The following CDC42BPA variants were observed in gnomAD, a reference collection of about 807,000 sequenced individuals.
The protein encoded by CDC42BPA is CDC42 binding protein kinase alpha.
A neutral mutation model predicts 223.5 loss-of-function variants in CDC42BPA; 80 were observed. That is an observed-to-expected ratio of 0.36 (90% CI 0.30 to 0.43). The LOEUF is 0.43. CDC42BPA is among the 20% of genes least tolerant of loss of function. The pLI is 1.00. For missense variants in CDC42BPA, 1,743 were observed against 2,099.9 expected (o/e 0.83, Z 3.32); for synonymous variants, 694 against 718.6 (o/e 0.97, Z 0.55).
Position 226,991,229 on chromosome 1 carries a change from T to G in CDC42BPA, c.*3039A>C, listed in dbSNP as rs1241863102. The G allele has an allele frequency of 6.6e-6, 1 of 152,616 alleles. No homozygotes were observed. Among genetic ancestry groups the G allele is most frequent in the East Asian group, 1.9e-4 (1 of 5,198 alleles). The allele number at this position is 152,616 out of a possible 1,614,324, so 9.5% of individuals were successfully genotyped here. On this transcript the variant is annotated 3_prime_UTR_variant, in exon 37 of 37. Transcript: ENST00000366766. ...ATCCCAGAAATGCCTCTGAATGTAT[T>G]TTTTCTATTGAGAAACAGGTTTCTG...
intron 5 of CDC42BPA, among the ~76,000 whole-genome samples, chr1:227,193,236 ATT>A (rs34184053): frequency 2.7e-5 from 4 of 149,448 alleles, no homozygotes; most frequent in Non-Finnish European, 5.9e-5. Context: ...CGCCCGGCTA[ATT>A]TTTTTTTGTA....
At chr1:227,237,894 C>T (rs1025614736) in intron 2 of CDC42BPA, among the ~76,000 whole-genome samples, 1 of 151,738 alleles carries the variant, frequency 6.6e-6, no homozygotes, top group African/African-American at 2.4e-5. Flanking sequence ...ACAAAATTAG[C>T]CAGGCGTGGT....
intron 11 of CDC42BPA, among the ~76,000 whole-genome samples, chr1:227,127,776 T>C (rs184051084): frequency 1.3e-5 from 2 of 152,326 alleles, no homozygotes; most frequent in Non-Finnish European, 2.9e-5. Context: ...TCATAAATTA[T>C]GCTCAAAACT....
chr1:227,255,302 T>C (rs1357280322), intron 1 of CDC42BPA, among the ~76,000 whole-genome samples: 1 of 152,154 alleles, frequency 6.6e-6, no homozygotes, highest in African/African-American at 2.4e-5. Context: ...ATTTGAGCAT[T>C]AGGGGAGTGA....
intron 22 of CDC42BPA, among the ~76,000 whole-genome samples, chr1:227,050,964 T>G (rs148409661): frequency 5.3e-5 from 8 of 152,328 alleles, no homozygotes; most frequent in African/African-American, 1.9e-4. Context: ...ATTCTCTGAA[T>G]GCTTGAAATA....
chr1:227,160,321 A>G (rs1470100604), intron 6 of CDC42BPA, among the ~76,000 whole-genome samples: 1 of 152,220 alleles, frequency 6.6e-6, no homozygotes, highest in African/African-American at 2.4e-5. Context: ...TATTTTATCA[A>G]TCTTAAGATC....
At chr1:227,167,105 A>T (rs945603062) in intron 5 of CDC42BPA, among the ~76,000 whole-genome samples, 4 of 152,170 alleles carry the variant, frequency 2.6e-5, no homozygotes, top group Non-Finnish European at 4.4e-5. Context: ...TTACAATACT[A>T]CATAAGAATA....
intron 17 of CDC42BPA, among the ~76,000 whole-genome samples, chr1:227,079,793 T>C (rs1395201654): frequency 6.6e-6 from 1 of 151,920 alleles, no homozygotes; most frequent in African/African-American, 2.4e-5. Context: ...TATAAATATA[T>C]GATGAAACTA....
At chr1:227,196,082 C>A (rs1009019367) in intron 4 of CDC42BPA, among the ~76,000 whole-genome samples, 1 of 145,744 alleles carries the variant, frequency 6.9e-6, no homozygotes, top group Non-Finnish European at 1.5e-5. Flanking sequence ...AAGACCATGG[C>A]AGCTTTGGGG....
chr1:227,033,497 C>G (rs1669694984), intron 26 of CDC42BPA, 82 bp from the exon 27 acceptor site: 1 of 851,044 alleles, frequency 1.2e-6, no homozygotes. Flanking sequence ...ATAACACATA[C>G]CCAAAGCTTA....
intron 2 of CDC42BPA, among the ~76,000 whole-genome samples, chr1:227,235,559 T>A (rs1289661738): frequency 6.6e-6 from 1 of 152,148 alleles, no homozygotes; most frequent in East Asian, 1.9e-4. Flanking sequence ...TAAACCAAAC[T>A]TTTGTGTATA....
intron 8 of CDC42BPA, among the ~76,000 whole-genome samples, chr1:227,145,111 G>A (rs1660480662): frequency 1.3e-5 from 2 of 152,000 alleles, no homozygotes; most frequent in African/African-American, 2.4e-5. Context: ...ATCAGGCCCT[G>A]ACATGGTTGA....
At chr1:227,251,506 T>C (rs557231314) in intron 2 of CDC42BPA, among the ~76,000 whole-genome samples, 45 of 152,282 alleles carry the variant, frequency 3.0e-4, no homozygotes, top group African/African-American at 1.1e-3. Context: ...ACATACCATA[T>C]GCTTATAGAA....
chr1:226,994,984 C>CA lies in CDC42BPA; in HGVS notation c.4976-5dup, dbSNP rs1196025058. 13 of 1,611,684 alleles carry CA rather than the reference C, an allele frequency of 8.1e-6. No homozygotes were observed. In the East Asian group the frequency reaches 2.9e-4, roughly 36 times the overall value. ...CTGCCATTCTGTGCGGATGACCCTACAGTACATCATGCAGGCAAAATTTTA... is the reference window on the plus strand; with the variant it reads ...CTGCCATTCTGTGCGGATGACCCTACAAGTACATCATGCAGGCAAAATTTTA... On this transcript the variant is annotated splice_region_variant and splice_polypyrimidine_tract_variant and intron_variant, in intron 35 of 36. Coordinates refer to ENST00000366766, the MANE Select transcript of CDC42BPA (RefSeq NM_001394014.1). The surrounding 1 kb of genome is among the most constrained non-coding windows in gnomAD (Gnocchi z 4.0).
chr1:227,007,584 G>A (rs1664348351), intron 34 of CDC42BPA, among the ~76,000 whole-genome samples: 1 of 152,162 alleles, frequency 6.6e-6, no homozygotes, highest in Non-Finnish European at 1.5e-5. Flanking sequence ...AGAACACCAA[G>A]CTAACTAGTG....
intron 3 of CDC42BPA, among the ~76,000 whole-genome samples, chr1:227,212,692 AAAAC>A (rs1674143810): frequency 6.6e-6 from 1 of 152,208 alleles, no homozygotes; most frequent in Non-Finnish European, 1.5e-5. Context: ...CCTGTAATAT[AAAAC>A]AAAATACAAA....
intron 21 of CDC42BPA, among the ~76,000 whole-genome samples, chr1:227,066,657 G>C (rs1308561053): frequency 6.6e-6 from 1 of 152,114 alleles, no homozygotes; most frequent in African/African-American, 2.4e-5. Context: ...ATAGATGACT[G>C]AGTGATGAAG....
In CDC42BPA at chr1:227,137,192, A is replaced by G. The variant is rs181031174; in HGVS notation, c.1390+2384T>C. Among the ~76,000 whole-genome samples the G allele has an allele frequency of 2.7e-3, 406 of 152,252 alleles. 3 individuals are homozygous for G. The highest frequency in any genetic ancestry group is 9.4e-3 in the African/African-American group (392 of 41,576). On this transcript the variant is annotated intron_variant, in intron 10 of 36. Transcript: ENST00000366766. Reference sequence around the variant, plus strand: ...AAAGATATATAAAGACCTAATAGAAAAATGGGCAAGAACCTCGAACCAAAA... The same window carrying G: ...AAAGATATATAAAGACCTAATAGAAGAATGGGCAAGAACCTCGAACCAAAA...
chr1:227,018,388 A>G (rs939501065), intron 32 of CDC42BPA, among the ~76,000 whole-genome samples: 9 of 152,210 alleles, frequency 5.9e-5, no homozygotes, highest in Admixed American at 2.0e-4. Context: ...CAAAACACAG[A>G]AAAAGAAAGG....
Sources: allele counts gnomAD v4.1 joint callset (sites outside exome capture counted in the v4.1 genomes callset), GRCh38; gene constraint gnomAD v4.1.1; non-coding constraint Gnocchi (gnomAD v3.1); transcripts MANE v1.5; gene names NCBI Gene and HGNC (gene_info 2026-07-23, HGNC 2026-07-21).